ENTPD6: variants seen among roughly 807,000 people sequenced by gnomAD.
The protein encoded by ENTPD6 is ectonucleoside triphosphate diphosphohydrolase 6.
In ENTPD6, 46 loss-of-function variants were observed where a neutral mutation model predicts 61.5. That is an observed-to-expected ratio of 0.75 (90% confidence interval 0.59 to 0.96). The LOEUF is 0.96. Ranked by LOEUF, ENTPD6 falls within the 40% of genes least tolerant of loss-of-function variation. ENTPD6 has a pLI of 0.00. For synonymous variants in ENTPD6, 252 were observed against 255.5 expected, an observed-to-expected ratio of 0.99 and a Z score of 0.13; for missense variants, 612 against 629.0, an observed-to-expected ratio of 0.97 and a Z score of 0.29.
intron 11 of ENTPD6, chr20:25,221,648 G>T (rs1006491622): frequency 1.2e-5 from 5 of 415,054 alleles, no homozygotes; most frequent in Non-Finnish European, 2.3e-5. Flanking sequence ...GCAGGGCTGG[G>T]ACTGGGAGCC....
At chr20:25,206,742 G>A in intron 2 of ENTPD6, 152 bp downstream of exon 2, 1 of 699,140 alleles carries the variant, frequency 1.4e-6, no homozygotes, top group Non-Finnish European at 2.5e-6. Flanking sequence ...CCATTTACAT[G>A]TGGCTTCTTT....
At chr20:25,223,539 T>C (rs1324321434) in intron 12 of ENTPD6, among the ~76,000 whole-genome samples, 1 of 152,114 alleles carries the variant, frequency 6.6e-6, no homozygotes, top group Non-Finnish European at 1.5e-5. Context: ...ATAAGAACAC[T>C]ACTGTTTTAA....
chr20:25,205,068 T>C (rs2091350548), intron 1 of ENTPD6, among the ~76,000 whole-genome samples: 1 of 152,196 alleles, frequency 6.6e-6, no homozygotes, highest in South Asian at 2.1e-4. Flanking sequence ...GGTGACGTTA[T>C]AGAAGGTGCG....
At chr20:25,216,387 C>G (rs1297518175) in intron 7 of ENTPD6, among the ~76,000 whole-genome samples, 1 of 152,186 alleles carries the variant, frequency 6.6e-6, no homozygotes, top group Non-Finnish European at 1.5e-5. Context: ...CCAGCGGCCT[C>G]CCTCCCAGCT....
intron 2 of ENTPD6, 30 bp from the exon 3 acceptor site, chr20:25,207,046 C>A (rs760741874): frequency 1.9e-6 from 3 of 1,572,608 alleles, no homozygotes; most frequent in Non-Finnish European, 2.6e-6. Context: ...CCCTAACGTG[C>A]TTTTCCTGCC....
Position 25,206,584 on chromosome 20 carries a change from T to G in ENTPD6, c.48T>G (p.Ile16Met). Residue 16 changes from isoleucine to methionine, a missense_variant, in exon 2 of 15, where the codon ATT becomes ATG. Physicochemically the swap from Ile to Met is conservative, Grantham distance 10 (BLOSUM62 1). Coordinates refer to ENST00000376652, the MANE Select transcript of ENTPD6 (RefSeq NM_001247.5). ...RYETSRKTSY[I>M]FQQPQHGPWQ... ...AAACTTCCAGAAAAACGAGCTACATTTTTCAGGTTTGTCTGGGGCTCTCAG... is the reference window on the plus strand; with the variant it reads ...AAACTTCCAGAAAAACGAGCTACATGTTTCAGGTTTGTCTGGGGCTCTCAG... 6.2e-7 allele frequency: 1 copy of G among 1,612,758 alleles called. No individual in the cohort carries two copies.
At chr20:25,219,677 T>C (rs2092541680) in intron 10 of ENTPD6, among the ~76,000 whole-genome samples, 1 of 152,172 alleles carries the variant, frequency 6.6e-6, no homozygotes, top group Non-Finnish European at 1.5e-5. Flanking sequence ...GTCTGATGTG[T>C]GTATGAGGCG....
In ENTPD6 at chr20:25,222,902, G is replaced by T. The variant is rs1023970973; in HGVS notation, c.1110G>T (p.Arg370Ser). The change falls in exon 12 of 15, where the codon AGG (arginine) becomes AGT (serine). Residue 370 changes from arginine to serine, a missense_variant. By Grantham distance (110) the Arg-to-Ser change is moderately radical (BLOSUM62 -1). Coordinates refer to ENST00000376652, the MANE Select transcript of ENTPD6 (RefSeq NM_001247.5). Reference sequence around the variant, plus strand: ...AGGTCCTTCAAAACAGAGTGCACAGGACGGAGGAAGTGAAGCATGTGGACT... The same window carrying T: ...AGGTCCTTCAAAACAGAGTGCACAGTACGGAGGAAGTGAAGCATGTGGACT... ...VSEVLQNRVH[R>S]TEEVKHVDFY... The T allele has an allele frequency of 1.9e-6, 3 of 1,614,064 alleles. No homozygotes were observed. In the African/African-American group the frequency reaches 4.0e-5, roughly 22 times the overall value.
rs772409526 is a variant in ENTPD6 at position 25,207,178 on chromosome 20, G to A, written c.157G>A (p.Val53Met). 48 of 1,614,020 alleles carry A rather than the reference G, an allele frequency of 3.0e-5. No individual in the cohort carries two copies. Among genetic ancestry groups the A allele is most frequent in the Middle Eastern group, 3.3e-4 (2 of 6,084 alleles). Residue 53 changes from valine (V) to methionine (M), a missense_variant, in exon 3 of 15, where the codon GTG becomes ATG. Transcript: ENST00000376652. ...ATACCCCCTGGGGCTGTGTGTGGGC[G>A]TGTTCATCTATGTTGCCTACATCAA... ...VAYPLGLCVG[V>M]FIYVAYIKWH... is the part of the protein sequence containing the mutation.
At chr20:25,209,141 G>C (rs560063667) in intron 3 of ENTPD6, among the ~76,000 whole-genome samples, 1 of 144,794 alleles carries the variant, frequency 6.9e-6, no homozygotes, top group African/African-American at 2.6e-5. Flanking sequence ...ATGGAGTCTC[G>C]CTCTGTCGCC....
chr20:25,225,696 C>T lies in ENTPD6; in HGVS notation c.*99C>T, dbSNP rs552707742. ...CATCCTGAGGAGCCACAGCACAGGCCGTGCTGGCACTTTCTGCACACTGGC... is the reference window on the plus strand; with the variant it reads ...CATCCTGAGGAGCCACAGCACAGGCTGTGCTGGCACTTTCTGCACACTGGC... On this transcript the variant is annotated 3_prime_UTR_variant, in exon 15 of 15. Coordinates refer to ENST00000376652, the MANE Select transcript of ENTPD6 (RefSeq NM_001247.5). 112 of 976,002 alleles carry T rather than the reference C, an allele frequency of 1.1e-4. No individual in the cohort carries two copies. The African/African-American group carries it at 1.6e-3, about 14-fold the overall frequency. The allele number at this position is 976,002 out of a possible 1,614,324, so 60.5% of individuals were successfully genotyped here. A position where few individuals can be genotyped will look rare whatever the true frequency, so the allele number is the denominator to read the frequency against.
At chr20:25,219,025 A>G (rs1002147741) in intron 10 of ENTPD6, among the ~76,000 whole-genome samples, 2 of 152,178 alleles carry the variant, frequency 1.3e-5, no homozygotes, top group African/African-American at 4.8e-5. Context: ...GGGACTACAG[A>G]TGTGTACCAC....
At chr20:25,225,178 G>A (rs1169795640) in intron 13 of ENTPD6, 27 bp from the exon 14 acceptor site, 3 of 1,598,874 alleles carry the variant, frequency 1.9e-6, no homozygotes, top group Non-Finnish European at 1.7e-6. Context: ...GTCACCTGGA[G>A]CGTGAAGGGA....
chr20:25,220,101 A>G (rs2092563950), intron 10 of ENTPD6, among the ~76,000 whole-genome samples: 2 of 152,112 alleles, frequency 1.3e-5, no homozygotes, highest in Admixed American at 1.3e-4. Flanking sequence ...AGGCTGTACA[A>G]AGTGCCTGTT....
rs897842539 is a variant in ENTPD6 at position 25,226,677 on chromosome 20, C to T, written c.*1080C>T. On this transcript the variant is annotated 3_prime_UTR_variant, in exon 15 of 15. Transcript: ENST00000376652. ...TGTACAGTGCCCGGCACGAGCTGAA[C>T]CTCATGTGTTCCACTCCCAATAAAA... 1.3e-5 allele frequency: 2 copies of T among 152,292 alleles called. No individual in the cohort carries two copies. The highest frequency in any genetic ancestry group is 6.5e-5 in the Admixed American group (1 of 15,292). The allele number at this position is 152,292 out of a possible 1,614,324, so 9.4% of individuals were successfully genotyped here.
intron 12 of ENTPD6, 73 bp from the exon 13 acceptor site, chr20:25,224,028 T>C (rs2092720727): frequency 6.9e-7 from 1 of 1,441,286 alleles, no homozygotes; most frequent in African/African-American, 1.4e-5. Context: ...GCGTTCCCCG[T>C]GCCAGCCTCA....
At chr20:25,209,615 T>A (rs57953073) in intron 3 of ENTPD6, among the ~76,000 whole-genome samples, 2,318 of 151,192 alleles carry the variant, frequency 0.015, 46 homozygotes, top group African/African-American at 0.052. Flanking sequence ...ATAATAATTT[T>A]AAAAAAATAA....
Position 25,207,304 on chromosome 20 carries a change from G to A in ENTPD6, c.283G>A (p.Ala95Thr), listed in dbSNP as rs767593042. The A allele has an allele frequency of 1.2e-6, 2 of 1,606,422 alleles. No individual in the cohort carries two copies. Among genetic ancestry groups the A allele is most frequent in the Admixed American group, 1.7e-5 (1 of 59,580 alleles). Residue 95 changes from alanine (A) to threonine (T), a missense_variant, in exon 3 of 15, where the codon GCA becomes ACA. Transcript: ENST00000376652. Reference sequence around the variant, plus strand: ...GGCCCACAGCCCCCTGGGGACAGCTGCAGACGGGCACGAGGTCTTCTACGG... The same window carrying A: ...GGCCCACAGCCCCCTGGGGACAGCTACAGACGGGCACGAGGTCTTCTACGG... ...QQAHSPLGTA[A>T]DGHEVFYGIM... is the part of the protein sequence containing the mutation.
intron 2 of ENTPD6, 118 bp downstream of exon 2, chr20:25,206,708 G>A: frequency 1.2e-6 from 1 of 810,148 alleles, no homozygotes; most frequent in Non-Finnish European, 2.1e-6. Context: ...ACGCGCTTCT[G>A]TTCCCATGAA....
Sources: gnomAD v4.1 joint callset for allele counts (sites outside exome capture counted in the v4.1 genomes callset) on GRCh38, gnomAD v4.1.1 for gene constraint, MANE v1.5 for transcripts, NCBI Gene and HGNC (gene_info 2026-07-23, HGNC 2026-07-21) for gene names.